The following NLRP5 variants were observed in gnomAD, a reference collection of about 807,000 sequenced individuals.
NLRP5 encodes the protein NLR family pyrin domain containing 5, also known as NACHT, LRR and PYD domains-containing protein 5.
In NLRP5, 93 loss-of-function variants were observed where a neutral mutation model predicts 113.1. That is an observed-to-expected ratio of 0.82 (90% confidence interval 0.70 to 0.98). NLRP5 has a LOEUF of 0.98. Ranked by LOEUF, NLRP5 falls within the 50% of genes least tolerant of loss-of-function variation. The probability of loss-of-function intolerance (pLI) is 0.00; values close to 1 mark genes in which losing one functional copy is unlikely to be tolerated. For missense variants in NLRP5, 1,808 were observed against 1,514.3 expected (o/e 1.19, Z -3.22); for synonymous variants, 751 against 600.7 (o/e 1.25, Z -3.66).
At chr19:56,049,707 TA>T (rs1983861462) in intron 11 of NLRP5, among the ~76,000 whole-genome samples, 1 of 152,150 alleles carries the variant, frequency 6.6e-6, no homozygotes, top group African/African-American at 2.4e-5. Flanking sequence ...GATTTTTTTT[TA>T]TTGTTTTTAA....
the NLRP5 span, chr19:55,987,899 C>A: frequency 2.5e-6 from 4 of 1,612,942 alleles, no homozygotes; most frequent in Non-Finnish European, 3.4e-6. Flanking sequence ...CTGCCTATCC[C>A]AGATTAATCC....
chr19:55,987,710 G>A, the NLRP5 span: 8 of 779,674 alleles, frequency 1.0e-5, no homozygotes, highest in Admixed American at 7.7e-5. Flanking sequence ...AGGTGGGAGG[G>A]GTACGGTCTG....
In NLRP5 at chr19:56,038,028, G is replaced by T; in HGVS notation, c.2619G>T (p.Leu873=). 1 of 1,613,934 alleles carries T rather than the reference G, an allele frequency of 6.2e-7. No individual in the cohort carries two copies. Among genetic ancestry groups the T allele is most frequent in the South Asian group, 1.1e-5 (1 of 91,080 alleles). Residue 873 remains leucine (L), a synonymous_variant, in exon 10 of 15, where the codon CTG becomes CTT. Coordinates refer to ENST00000390649, the MANE Select transcript of NLRP5 (RefSeq NM_153447.4). ...TTCATGCTGCCTGTCTCTGCAGGCT[G>T]GATTGCTGTGGATTGACCCATGCCT...
chr19:56,050,136 C>T (rs928836019), intron 11 of NLRP5, among the ~76,000 whole-genome samples: 4 of 151,918 alleles, frequency 2.6e-5, no homozygotes, highest in Non-Finnish European at 5.9e-5. Flanking sequence ...AAAAATTAGC[C>T]AGGCGTGGTG....
the NLRP5 span, among the ~76,000 whole-genome samples, chr19:55,993,032 A>G: frequency 6.6e-6 from 1 of 151,856 alleles, no homozygotes; most frequent in Non-Finnish European, 1.5e-5. Context: ...TATTTTTAGT[A>G]GAGATGGGGT....
intron 1 of NLRP5, chr19:55,999,870 C>A: frequency 1.0e-6 from 1 of 959,114 alleles, no homozygotes; most frequent in Non-Finnish European, 1.7e-6. Flanking sequence ...CCCCTGCCCT[C>A]GCTGCTGTCT....
chr19:56,029,124 C>G (rs1436903683), intron 7 of NLRP5, among the ~76,000 whole-genome samples: 1 of 152,030 alleles, frequency 6.6e-6, no homozygotes, highest in African/African-American at 2.4e-5. Context: ...GCCGTGCTGT[C>G]CAGTAGAGGG....
chr19:56,052,231 G>C (rs1983955877), intron 12 of NLRP5, among the ~76,000 whole-genome samples: 2 of 150,872 alleles, frequency 1.3e-5, no homozygotes, highest in African/African-American at 4.9e-5. Flanking sequence ...TTTGGTTTTG[G>C]TGGGGTTTTG....
At position 56,039,903 on chromosome 19, in the gene NLRP5, A is replaced by T. The variant is rs146576297; in HGVS notation, c.2787-1019A>T. 2.1e-3 allele frequency among the ~76,000 whole-genome samples: 321 copies of T among 151,922 alleles called. 3 individuals are homozygous for T. The highest frequency in any genetic ancestry group is 7.5e-3 in the African/African-American group (309 of 41,420). ...CACTCCAGCCTGGGCAACAAGCGCAAAACTCCATCTCAAAAGCAGACAGAG... is the reference window on the plus strand; with the variant it reads ...CACTCCAGCCTGGGCAACAAGCGCATAACTCCATCTCAAAAGCAGACAGAG... On this transcript the variant is annotated intron_variant, in intron 10 of 14. Transcript: ENST00000390649.
At chr19:56,023,882 A>G (rs1419861599) in intron 6 of NLRP5, among the ~76,000 whole-genome samples, 2 of 152,154 alleles carry the variant, frequency 1.3e-5, no homozygotes, top group African/African-American at 4.8e-5. Flanking sequence ...TGTATTACAC[A>G]TTTGTGCAGA....
At chr19:56,018,068 G>A (rs924316884) in intron 4 of NLRP5, among the ~76,000 whole-genome samples, 4 of 152,138 alleles carry the variant, frequency 2.6e-5, no homozygotes, top group African/African-American at 4.8e-5. Context: ...TTTCTGTGGT[G>A]TATATACACA....
chr19:56,008,440 C>T (rs1181473222), intron 2 of NLRP5, among the ~76,000 whole-genome samples: 3 of 152,070 alleles, frequency 2.0e-5, no homozygotes, highest in African/African-American at 7.2e-5. Context: ...TCATAGGCAT[C>T]TAGTGAGTCA....
At chr19:56,024,439 A>G (rs1414263483) in intron 6 of NLRP5, among the ~76,000 whole-genome samples, 1 of 145,528 alleles carries the variant, frequency 6.9e-6, no homozygotes, top group Admixed American at 6.9e-5. Flanking sequence ...ACACATATAC[A>G]TATATTTATA....
chr19:55,996,366 T>C (rs557916263), upstream of NLRP5, among the ~76,000 whole-genome samples: 16 of 152,316 alleles, frequency 1.1e-4, no homozygotes, highest in South Asian at 1.7e-3. Flanking sequence ...ATCTTTTCTT[T>C]TATACTTTAA....
chr19:56,037,832 C>G (rs1161993533), intron 9 of NLRP5, among the ~76,000 whole-genome samples, 193 bp from the exon 10 acceptor site: 1 of 152,030 alleles, frequency 6.6e-6, no homozygotes, highest in Non-Finnish European at 1.5e-5. Flanking sequence ...GGACGTGAAC[C>G]CCATGAAAAC....
intron 14 of NLRP5, among the ~76,000 whole-genome samples, 156 bp from the exon 15 acceptor site, chr19:56,061,240 A>C (rs1324211545): frequency 6.6e-6 from 1 of 152,182 alleles, no homozygotes; most frequent in African/African-American, 2.4e-5. Context: ...CTACAAACTC[A>C]ATAATTTGTT....
chr19:56,005,470 T>C (rs1030510075), intron 2 of NLRP5, among the ~76,000 whole-genome samples: 6 of 124,986 alleles, frequency 4.8e-5, no homozygotes, highest in African/African-American at 1.9e-4. Flanking sequence ...CACACACACA[T>C]ATTTATACAC....
At chr19:56,030,630 G>T (rs1202146180) in intron 7 of NLRP5, among the ~76,000 whole-genome samples, 2 of 151,504 alleles carry the variant, frequency 1.3e-5, no homozygotes, top group Admixed American at 1.3e-4. Context: ...CACTGAGATG[G>T]GAAATTTACA....
chr19:56,032,724 C>A lies in NLRP5; in HGVS notation c.2390C>A (p.Ala797Asp). 1.2e-6 allele frequency: 2 copies of A among 1,613,126 alleles called. No individual in the cohort carries two copies. Among genetic ancestry groups the A allele is most frequent in the Non-Finnish European group, 1.7e-6 (2 of 1,179,754 alleles). ...GGCAGCAGCATCCTGACAGAGCGGGCCATGAAGACCCTGTGTGCCAAGCTG... is the reference window on the plus strand; with the variant it reads ...GGCAGCAGCATCCTGACAGAGCGGGACATGAAGACCCTGTGTGCCAAGCTG... Residue 797 changes from alanine to aspartate, a missense_variant, in exon 8 of 15, where the codon GCC (alanine) becomes GAC (aspartate). Coordinates refer to ENST00000390649, the MANE Select transcript of NLRP5 (RefSeq NM_153447.4).
Sources: gnomAD v4.1 joint callset for allele counts (sites outside exome capture counted in the v4.1 genomes callset) on GRCh38, gnomAD v4.1.1 for gene constraint, MANE v1.5 for transcripts, NCBI Gene and HGNC (gene_info 2026-07-23, HGNC 2026-07-21) for gene names.